The following CADPS variants were observed in gnomAD, a reference collection of about 807,000 sequenced individuals.
CADPS encodes the protein calcium-dependent secretion activator 1.
A neutral mutation model predicts 167.3 loss-of-function variants in CADPS; 57 were observed. The observed-to-expected ratio is 0.34, with a 90% confidence interval of 0.28 to 0.42. The LOEUF is 0.42. Ranked by LOEUF, CADPS falls within the 20% of genes least tolerant of loss-of-function variation. The pLI, the probability that CADPS is intolerant of heterozygous loss-of-function variation, is 1.00. For missense variants in CADPS, 1,414 were observed against 1,738.1 expected (o/e 0.81, Z 3.32); for synonymous variants, 676 against 635.3 (o/e 1.06, Z -0.96).
At chr3:62,567,439 G>A (rs1577955640) in intron 9 of CADPS, among the ~76,000 whole-genome samples, 1 of 151,940 alleles carries the variant, frequency 6.6e-6, no homozygotes, top group East Asian at 1.9e-4. Flanking sequence ...AACAAAACTG[G>A]CCCTGAAACA....
chr3:62,651,296 T>C (rs1458418451), intron 4 of CADPS, among the ~76,000 whole-genome samples: 1 of 152,216 alleles, frequency 6.6e-6, no homozygotes, highest in South Asian at 2.1e-4. Context: ...AAGAAACACG[T>C]ACATAAACAT....
At chr3:62,698,639 TTCTCC>T (rs1281244985) in intron 3 of CADPS, among the ~76,000 whole-genome samples, 2 of 151,214 alleles carry the variant, frequency 1.3e-5, no homozygotes, top group East Asian at 3.9e-4. Flanking sequence ...GTTCTTCTCC[TTCTCC>T]TTCTTCTCTT....
At chr3:62,767,920 G>A (rs918087570) in intron 1 of CADPS, among the ~76,000 whole-genome samples, 1 of 152,164 alleles carries the variant, frequency 6.6e-6, no homozygotes, top group Non-Finnish European at 1.5e-5. Flanking sequence ...TTTAAAAAAT[G>A]CTATGCCTTT....
chr3:62,681,463 G>T (rs2077146718), intron 3 of CADPS, among the ~76,000 whole-genome samples: 1 of 150,342 alleles, frequency 6.7e-6, no homozygotes, highest in African/African-American at 2.4e-5. Context: ...CAGTATTAGT[G>T]GAAAGAAAGA....
chr3:62,825,863 A>G (rs1054677012), intron 1 of CADPS, among the ~76,000 whole-genome samples: 1 of 152,178 alleles, frequency 6.6e-6, no homozygotes, highest in African/African-American at 2.4e-5. Flanking sequence ...ACCCTCAGCC[A>G]TCATTCATTC....
chr3:62,714,066 C>T (rs2083929893), intron 3 of CADPS, among the ~76,000 whole-genome samples: 1 of 152,094 alleles, frequency 6.6e-6, no homozygotes, highest in Admixed American at 6.5e-5. Flanking sequence ...CATTGAGGCT[C>T]ATCCAACTTA....
intron 28 of CADPS, among the ~76,000 whole-genome samples, chr3:62,408,042 A>G (rs1422282121): frequency 6.6e-6 from 1 of 152,180 alleles, no homozygotes. Flanking sequence ...GCCCATGGAC[A>G]TACTTTCAAT....
At chr3:62,624,583 C>G (rs1567626) in intron 6 of CADPS, among the ~76,000 whole-genome samples, 138,306 of 152,066 alleles carry the variant, frequency 0.91, 63,598 homozygotes, top group East Asian at 1. Context: ...GATTAAGTTG[C>G]CCATCTTTTT....
intron 6 of CADPS, among the ~76,000 whole-genome samples, chr3:62,603,985 C>A (rs1263754148): frequency 7.0e-6 from 1 of 143,660 alleles, no homozygotes; most frequent in Non-Finnish European, 1.6e-5. Context: ...CACCACCACG[C>A]CCGGCTAATT....
chr3:62,697,345 G>A (rs1446363224), intron 3 of CADPS, among the ~76,000 whole-genome samples: 2 of 151,980 alleles, frequency 1.3e-5, no homozygotes, highest in Admixed American at 1.3e-4. Context: ...TCCCACTTAT[G>A]AGTGAGAGCA....
At chr3:62,812,795 C>A (rs756854545) in intron 1 of CADPS, among the ~76,000 whole-genome samples, 1 of 152,088 alleles carries the variant, frequency 6.6e-6, no homozygotes, top group African/African-American at 2.4e-5. Context: ...AGCATCAGAC[C>A]AAGGGCATGC....
At chr3:62,816,099 G>T (rs981172444) in intron 1 of CADPS, among the ~76,000 whole-genome samples, 1 of 152,042 alleles carries the variant, frequency 6.6e-6, no homozygotes, top group Non-Finnish European at 1.5e-5. Flanking sequence ...ACAGTTTCAT[G>T]ATACTCTGAC....
chr3:62,791,785 C>T (rs1357724546), intron 1 of CADPS, among the ~76,000 whole-genome samples: 1 of 152,182 alleles, frequency 6.6e-6, no homozygotes, highest in East Asian at 1.9e-4. Flanking sequence ...ATGCCCTTTC[C>T]TAAATGTGTC....
chr3:62,547,599 C>A (rs1029571891), intron 11 of CADPS, among the ~76,000 whole-genome samples: 1 of 113,334 alleles, frequency 8.8e-6, no homozygotes, highest in African/African-American at 4.1e-5. Flanking sequence ...CCCCCCCCCC[C>A]GCAAATTCTA....
At chr3:62,435,715 A>G (rs1015917208) in intron 28 of CADPS, among the ~76,000 whole-genome samples, 1 of 152,062 alleles carries the variant, frequency 6.6e-6, no homozygotes, top group African/African-American at 2.4e-5. Flanking sequence ...GAGTGATTGT[A>G]ATAGTTAAGC....
chr3:62,576,813 A>AAAAAAAAAAG (rs1562375615), intron 8 of CADPS, among the ~76,000 whole-genome samples: 3 of 149,404 alleles, frequency 2.0e-5, no homozygotes, highest in African/African-American at 7.5e-5. Context: ...AAAAAAAAAA[A>AAAAAAAAAAG]AAAAGCAGTC....
At chr3:62,794,640 A>G (rs2093240217) in intron 1 of CADPS, among the ~76,000 whole-genome samples, 1 of 152,104 alleles carries the variant, frequency 6.6e-6, no homozygotes, top group East Asian at 1.9e-4. Context: ...GTAGATGGTA[A>G]TGAAAACTAT....
At chr3:62,692,157 G>T (rs2079259061) in intron 3 of CADPS, among the ~76,000 whole-genome samples, 1 of 151,626 alleles carries the variant, frequency 6.6e-6, no homozygotes, top group African/African-American at 2.4e-5. Flanking sequence ...AACTGCCTTG[G>T]AGTTTGTTTA....
chr3:62,695,924 T>C (rs1367316483), intron 3 of CADPS, among the ~76,000 whole-genome samples: 2 of 152,150 alleles, frequency 1.3e-5, no homozygotes, highest in Non-Finnish European at 2.9e-5. Context: ...TATAAGCTTC[T>C]GAACCTCTTT....
Sources: gnomAD v4.1 joint callset for allele counts (sites outside exome capture counted in the v4.1 genomes callset) on GRCh38, gnomAD v4.1.1 for gene constraint, MANE v1.5 for transcripts, NCBI Gene and HGNC (gene_info 2026-07-23, HGNC 2026-07-21) for gene names.